Variants in RASAL2 observed in about 807,000 individuals in gnomAD.
RASAL2 encodes the protein RAS protein activator like 2, also known as ras GTPase-activating protein nGAP.
Under a neutral mutation model 128.9 loss-of-function variants are expected in RASAL2, and 58 were observed. The ratio of observed to expected loss-of-function variants is 0.45; its 90% CI spans 0.36 to 0.56. The LOEUF is 0.56. Ranked by LOEUF, RASAL2 falls within the 20% of genes least tolerant of loss-of-function variation. The pLI is 0.00. For synonymous variants in RASAL2, 561 were observed against 580.8 expected (o/e 0.97, Z 0.49); for missense variants, 1,360 against 1,601.6 (o/e 0.85, Z 2.57).
chr1:178,234,818 T>C (rs2102032222), intron 1 of RASAL2, among the ~76,000 whole-genome samples: 1 of 152,264 alleles, frequency 6.6e-6, no homozygotes, highest in African/African-American at 2.4e-5. Flanking sequence ...ACTGTGAGAA[T>C]TGTTGAAGAA....
chr1:178,136,714 G>A (rs141805736), intron 1 of RASAL2, among the ~76,000 whole-genome samples: 2,525 of 124,540 alleles, frequency 0.02, 67 homozygotes, highest in African/African-American at 0.07. Context: ...CCAAGATTGC[G>A]CCACTGTACT....
chr1:178,477,441 G>T lies in RASAL2; in HGVS notation c.*4202G>T, dbSNP rs1648755991. ...ATGACCCGATTATGTATACTCTTGG[G>T]TTTAGGAAGGACAAAAGTGATGAAA... On this transcript the variant is annotated 3_prime_UTR_variant, in exon 18 of 18. Coordinates refer to ENST00000367649, the MANE Select transcript of RASAL2 (RefSeq NM_170692.4). The T allele has an allele frequency of 6.6e-6, 1 of 152,272 alleles. No individual in the cohort carries two copies. The highest frequency in any genetic ancestry group is 2.1e-4 in the South Asian group (1 of 4,818). 9.4% of individuals were successfully genotyped at this position (152,272 alleles called of 1,614,324 possible). A position where few individuals can be genotyped will look rare whatever the true frequency, so the allele number is the denominator to read the frequency against.
At chr1:178,155,021 C>T (rs1187139194) in intron 1 of RASAL2, among the ~76,000 whole-genome samples, 2 of 152,112 alleles carry the variant, frequency 1.3e-5, no homozygotes, top group African/African-American at 4.8e-5. Context: ...TGGGGTTTCT[C>T]CATGTTGGTC....
chr1:178,418,546 A>C (rs1430822210), intron 4 of RASAL2, among the ~76,000 whole-genome samples: 1 of 152,200 alleles, frequency 6.6e-6, no homozygotes, highest in Non-Finnish European at 1.5e-5. Flanking sequence ...GGATGGCCAA[A>C]ACAATAAGAT....
rs1660619410 is a variant in RASAL2 at position 178,143,741 on chromosome 1, C to T, written c.202+49047C>T. Among the ~76,000 whole-genome samples, 3 of 143,844 alleles carry T rather than the reference C, an allele frequency of 2.1e-5. No homozygotes were observed. The South Asian group carries it at 6.5e-4, about 31-fold the overall frequency. 94.4% of individuals were successfully genotyped at this position (143,844 alleles called of 152,430 possible). On this transcript the variant is annotated intron_variant, in intron 1 of 17. Transcript: ENST00000367649. ...TGGTTAAAGGATAATTTTGCTTTAT[C>T]TCTATTGTTTGGGTTTTTTTTTTTT...
chr1:178,365,987 A>G (rs559302177), intron 3 of RASAL2, among the ~76,000 whole-genome samples: 1 of 152,282 alleles, frequency 6.6e-6, no homozygotes, highest in Non-Finnish European at 1.5e-5. Flanking sequence ...ATGCCTTTTT[A>G]TGATATTGAA....
intron 4 of RASAL2, among the ~76,000 whole-genome samples, chr1:178,399,393 T>C (rs1436682264): frequency 6.6e-6 from 1 of 151,066 alleles, no homozygotes; most frequent in African/African-American, 2.4e-5. Flanking sequence ...GGCAGGGGAG[T>C]GAAGGGACAA....
intron 3 of RASAL2, among the ~76,000 whole-genome samples, chr1:178,319,792 C>G (rs1281518779): frequency 6.6e-6 from 1 of 152,182 alleles, no homozygotes; most frequent in African/African-American, 2.4e-5. Flanking sequence ...CTTCTCTCAG[C>G]TCGTCAAAGT....
At chr1:178,114,725 T>C (rs1314155132) in intron 1 of RASAL2, among the ~76,000 whole-genome samples, 1 of 152,186 alleles carries the variant, frequency 6.6e-6, no homozygotes, top group Non-Finnish European at 1.5e-5. Context: ...TGTTTCACCA[T>C]GTTAGCCAGG....
intron 2 of RASAL2, among the ~76,000 whole-genome samples, chr1:178,284,997 T>C (rs1031204869): frequency 2.6e-5 from 4 of 152,006 alleles, no homozygotes; most frequent in African/African-American, 9.7e-5. Flanking sequence ...CCCTGTTCCT[T>C]CTCTTACCTA....
chr1:178,441,196 G>T (rs1041747234), intron 6 of RASAL2, among the ~76,000 whole-genome samples: 1 of 152,104 alleles, frequency 6.6e-6, no homozygotes, highest in African/African-American at 2.4e-5. Context: ...TATGATTTAG[G>T]TTCATAGCAT....
In RASAL2 at chr1:178,420,541, A is replaced by T; in HGVS notation, c.595A>T (p.Ile199Phe). The part of the protein sequence containing the change: ...GFFSKRLKGS[I>F]KRTKSQSKLD... ...CTTCAGCAAGCGCCTGAAAGGCTCC[A>T]TCAAGAGGACCAAAAGCCAGTCAAA... The change falls in exon 5 of 18, where the codon ATC becomes TTC. Residue 199 changes from isoleucine (I) to phenylalanine (F), a missense_variant. Coordinates refer to ENST00000367649, the MANE Select transcript of RASAL2 (RefSeq NM_170692.4). The T allele has an allele frequency of 6.2e-7, 1 of 1,613,178 alleles. No homozygotes were observed. Among genetic ancestry groups the T allele is most frequent in the Non-Finnish European group, 8.5e-7 (1 of 1,179,454 alleles).
intron 2 of RASAL2, among the ~76,000 whole-genome samples, chr1:178,297,060 G>A (rs1243724117): frequency 6.6e-6 from 1 of 151,552 alleles, no homozygotes; most frequent in African/African-American, 2.4e-5. Context: ...AACAAAGAAA[G>A]AAAATTTACT....
intron 7 of RASAL2, among the ~76,000 whole-genome samples, chr1:178,442,391 T>C (rs1248699129): frequency 1.3e-5 from 2 of 152,072 alleles, no homozygotes; most frequent in Non-Finnish European, 2.9e-5. Flanking sequence ...ATTAGACTGG[T>C]TATATGAAAA....
chr1:178,433,131 ACTG>A (rs1277725779), intron 5 of RASAL2, among the ~76,000 whole-genome samples: 1 of 152,036 alleles, frequency 6.6e-6, no homozygotes, highest in Non-Finnish European at 1.5e-5. Context: ...GTAGAGCCAC[ACTG>A]CTGAATTTCT....
chr1:178,176,637 G>GGA (rs71567183), intron 1 of RASAL2, among the ~76,000 whole-genome samples: 12,895 of 148,828 alleles, frequency 0.087, 580 homozygotes, highest in Middle Eastern at 0.13. Flanking sequence ...TGAGAAAGAG[G>GGA]GAGAGAGAGA....
intron 1 of RASAL2, among the ~76,000 whole-genome samples, chr1:178,234,686 C>T (rs2102031828): frequency 6.6e-6 from 1 of 152,192 alleles, no homozygotes; most frequent in Non-Finnish European, 1.5e-5. Context: ...GCACTGGAAG[C>T]TTGGTAGTAT....
intron 1 of RASAL2, among the ~76,000 whole-genome samples, chr1:178,212,114 G>T (rs1038293809): frequency 2.6e-5 from 4 of 152,052 alleles, no homozygotes; most frequent in Admixed American, 2.6e-4. Flanking sequence ...TAGGATTCTG[G>T]TAGATGTAGA....
In RASAL2 at chr1:178,422,707, A is replaced by G. The variant is rs560617379; in HGVS notation, c.674+2087A>G. ...GACCTGATTTTCTTGGGTCAGATAC[A>G]TCAACTGCTGAAGTCAGCCACTTCT... is the stretch of plus-strand genomic sequence containing the variant. On this transcript the variant is annotated intron_variant, in intron 5 of 17. Coordinates refer to ENST00000367649, the MANE Select transcript of RASAL2 (RefSeq NM_170692.4). 2.6e-5 allele frequency among the ~76,000 whole-genome samples: 4 copies of G among 152,246 alleles called. No individual in the cohort carries two copies. In the South Asian group the frequency reaches 8.3e-4, roughly 32 times the overall value.
Sources: allele counts gnomAD v4.1 joint callset (sites outside exome capture counted in the v4.1 genomes callset), GRCh38; gene constraint gnomAD v4.1.1; transcripts MANE v1.5; gene names NCBI Gene and HGNC (gene_info 2026-07-23, HGNC 2026-07-21).